SHROOM2: variants seen among roughly 807,000 people sequenced by gnomAD.
SHROOM2 encodes protein Shroom2.
In SHROOM2, 33 loss-of-function variants were observed where a neutral mutation model predicts 75.9. The observed-to-expected ratio is 0.43, with a 90% CI of 0.33 to 0.58. The LOEUF (loss-of-function observed/expected upper bound fraction) is 0.58, where lower values mean the gene tolerates loss of function less well. Among genes scored for constraint, SHROOM2 ranks in the 20% least tolerant of loss-of-function variants. The probability of loss-of-function intolerance (pLI) is 0.04; values close to 1 mark genes in which losing one functional copy is unlikely to be tolerated. For synonymous variants in SHROOM2, 655 were observed against 663.6 expected, an observed-to-expected ratio of 0.99 and a Z score of 0.20; for missense variants, 1,434 against 1,461.2, an observed-to-expected ratio of 0.98 and a Z score of 0.30.
rs771696352 is a variant in SHROOM2, at chrX:9,895,271, G to T, written c.1363G>T (p.Asp455Tyr). ...QEPGAASFQN[D>Y]SPPQVRGLSS... is the part of the protein sequence containing the mutation. ...GCCAGGGGCTGCCAGCTTCCAGAAC[G>T]ACAGCCCTCCTCAGGTGAGGGGGCT... The change falls in exon 4 of 10, where the codon GAC becomes TAC. Residue 455 changes from aspartate (D) to tyrosine (Y), a missense_variant. Physicochemically the swap from Asp to Tyr is radical, Grantham distance 160. Around this residue, in one of 3 missense-constraint regions of SHROOM2, gnomAD observed 1,340 missense variants for 1,338.3 expected, o/e 1.00. Coordinates refer to ENST00000380913, the MANE Select transcript of SHROOM2 (RefSeq NM_001649.4). 8.4e-7 allele frequency: 1 copy of T among 1,185,254 alleles called. No homozygotes were observed.
chrX:9,948,219 C>T lies in SHROOM2; in HGVS notation c.*1282C>T, dbSNP rs1184485646. 3.6e-5 allele frequency: 4 copies of T among 112,537 alleles called. No homozygotes were observed. Among genetic ancestry groups the T allele is most frequent in the African/African-American group, 9.7e-5 (3 of 30,991 alleles). 9.3% of individuals were successfully genotyped at this position (112,537 alleles called of 1,213,427 possible). ...TAGACACTTCACCAAAGAGCATACA[C>T]GCGTGGCAAACAAGCACACGAAAAG... On this transcript the variant is annotated 3_prime_UTR_variant, in exon 10 of 10. Coordinates refer to ENST00000380913, the MANE Select transcript of SHROOM2 (RefSeq NM_001649.4).
intron 1 of SHROOM2, among the ~76,000 whole-genome samples, chrX:9,846,766 A>G (rs1201766028): frequency 8.9e-6 from 1 of 112,348 alleles, no homozygotes; most frequent in Non-Finnish European, 1.9e-5. Flanking sequence ...TTCCCCAGAG[A>G]TGAGCCATTT....
intron 1 of SHROOM2, among the ~76,000 whole-genome samples, chrX:9,787,054 C>G (rs2083618381): frequency 1.8e-5 from 2 of 111,862 alleles, no homozygotes; most frequent in Admixed American, 9.3e-5. Context: ...GAACGTGTCC[C>G]CGAGCCGTCC....
chrX:9,906,432 A>G (rs111944867), intron 5 of SHROOM2, among the ~76,000 whole-genome samples: 2,264 of 112,313 alleles, frequency 0.02, 46 homozygotes, highest in African/African-American at 0.069. Flanking sequence ...TTTATGATAT[A>G]TTTTATCTCA....
At chrX:9,902,999 C>A (rs200171601) in intron 5 of SHROOM2, among the ~76,000 whole-genome samples, 2 of 111,777 alleles carry the variant, frequency 1.8e-5, no homozygotes, top group Non-Finnish European at 3.8e-5. Flanking sequence ...TGAATGCATA[C>A]GAAATAGAGC....
In SHROOM2 at chrX:9,791,968, C is replaced by CGAGAAGAGAA. The variant is rs1555919559; in HGVS notation, c.165+5263_165+5264insGAGAAGAGAA. 3.2e-5 allele frequency among the ~76,000 whole-genome samples: 2 copies of CGAGAAGAGAA among 62,802 alleles called. 1 individual carries two copies. The highest frequency in any genetic ancestry group is 6.4e-5 in the Non-Finnish European group (2 of 31,029). The allele number at this position is 62,802 out of a possible 115,157, so 54.5% of individuals were successfully genotyped here. A position where few individuals can be genotyped will look rare whatever the true frequency, so the allele number is the denominator to read the frequency against. ...GGGCAACAGGAGCAAAACTCCATCT[C>CGAGAAGAGAA]GAGAATAGAATAGAATAGAATAGAA... On this transcript the variant is annotated intron_variant, in intron 1 of 9. Coordinates refer to ENST00000380913, the MANE Select transcript of SHROOM2 (RefSeq NM_001649.4).
At chrX:9,922,556 G>A (rs1031923227) in intron 5 of SHROOM2, among the ~76,000 whole-genome samples, 1 of 109,745 alleles carries the variant, frequency 9.1e-6, no homozygotes, top group East Asian at 2.9e-4. Flanking sequence ...ATTCAGGGTC[G>A]TGCCCCTGGG....
intron 1 of SHROOM2, among the ~76,000 whole-genome samples, chrX:9,822,985 ATTCTTC>A (rs1193729528): frequency 7.9e-4 from 70 of 88,254 alleles, no homozygotes; most frequent in African/African-American, 2.8e-3. Flanking sequence ...AAGAATAATA[ATTCTTC>A]TTCTTCTTCT....
intron 1 of SHROOM2, among the ~76,000 whole-genome samples, chrX:9,792,466 T>TTG (rs1555919993): frequency 5.8e-4 from 63 of 108,198 alleles, no homozygotes; most frequent in African/African-American, 2.0e-3. Flanking sequence ...TGTTTTTTTT[T>TTG]TTGTTGTTGT....
At chrX:9,835,880 C>T (rs1013325023) in intron 1 of SHROOM2, among the ~76,000 whole-genome samples, 10 of 112,089 alleles carry the variant, frequency 8.9e-5, no homozygotes, top group Middle Eastern at 4.6e-3. Flanking sequence ...CCACCACGCC[C>T]GGCTCAGTTT....
rs144133328 is a variant in SHROOM2 at position 9,894,550 on chromosome X, C to T, written c.642C>T (p.Ser214=). 5.0e-6 allele frequency: 6 copies of T among 1,211,981 alleles called. No homozygotes were observed. Among genetic ancestry groups the T allele is most frequent in the Non-Finnish European group, 6.7e-6 (6 of 895,532 alleles). The stretch of plus-strand genomic sequence containing the variant: ...GCGACTCGGCCTACGGCTCCTTCTC[C>T]ACCAGCTCTAGCACTCCTGACCACA... ...SKRDSAYGSF[S]TSSSTPDHTL... The change falls in exon 4 of 10, where the codon TCC becomes TCT. Residue 214 remains serine (S), a synonymous_variant. Coordinates refer to ENST00000380913, the MANE Select transcript of SHROOM2 (RefSeq NM_001649.4).
At chrX:9,830,580 G>GTTTCT (rs1283815214) in intron 1 of SHROOM2, among the ~76,000 whole-genome samples, 1 of 44,523 alleles carries the variant, frequency 2.2e-5, no homozygotes, top group Admixed American at 3.2e-4. Flanking sequence ...TGAACCCCTG[G>GTTTCT]TTTCTTTTTT....
chrX:9,812,033 A>C (rs1771156651), intron 1 of SHROOM2, among the ~76,000 whole-genome samples: 1 of 112,022 alleles, frequency 8.9e-6, no homozygotes. Flanking sequence ...CATCCAGTTC[A>C]TGATAGGTAG....
intron 1 of SHROOM2, among the ~76,000 whole-genome samples, chrX:9,850,831 CAAAAA>C (rs757769302): frequency 5.2e-5 from 4 of 76,254 alleles, no homozygotes; most frequent in South Asian, 7.4e-4. Flanking sequence ...GACTCTGTGT[CAAAAA>C]AAAAAAAAAA....
At position 9,939,211 on chromosome X, in the gene SHROOM2, G is replaced by A. The variant is rs746516160; in HGVS notation, c.4156G>A (p.Val1386Met). 27 of 1,204,832 alleles carry A rather than the reference G, an allele frequency of 2.2e-5. No homozygotes were observed. Among genetic ancestry groups the A allele is most frequent in the South Asian group, 3.6e-5 (2 of 55,812 alleles). Residue 1386 changes from valine (V) to methionine (M), a missense_variant, in exon 8 of 10, where the codon GTG becomes ATG. Around this residue, in one of 3 missense-constraint regions of SHROOM2, gnomAD observed 1,340 missense variants for 1,338.3 expected, o/e 1.00. Transcript: ENST00000380913. ...TTTACCCAGGAAAGAGGAGCCCAGC[G>A]TGCCTGCGGCCGTGTCCCTGGCCAC... is the stretch of plus-strand genomic sequence containing the variant. Reference protein sequence around the residue: ...STEERKEEPSVPAAVSLATNS... With the variant: ...STEERKEEPSMPAAVSLATNS...
intron 1 of SHROOM2, among the ~76,000 whole-genome samples, chrX:9,821,730 T>G (rs779506284): frequency 1.8e-5 from 2 of 111,986 alleles, no homozygotes; most frequent in East Asian, 5.6e-4. Context: ...TGCAAATGCT[T>G]CAAATGCTTG....
At chrX:9,836,681 C>G (rs889025745) in intron 1 of SHROOM2, among the ~76,000 whole-genome samples, 2 of 110,984 alleles carry the variant, frequency 1.8e-5, no homozygotes, top group Non-Finnish European at 3.8e-5. Context: ...CCCATCTCAA[C>G]CTCCCAAACT....
chrX:9,894,668 G>A lies in SHROOM2; in HGVS notation c.760G>A (p.Ala254Thr), dbSNP rs2084313938. Reference sequence around the variant, plus strand: ...CAGGCAGGGTGGCCGGCAGGCCCAGGCCGCAGGCGACCCTCAGGGCTCGGA... The same window carrying A: ...CAGGCAGGGTGGCCGGCAGGCCCAGACCGCAGGCGACCCTCAGGGCTCGGA... ...APRQGGRQAQ[A>T]AGDPQGSEEK... Residue 254 changes from alanine to threonine, a missense_variant, in exon 4 of 10, where the codon GCC becomes ACC. By Grantham distance (58) the Ala-to-Thr change is moderately conservative. Transcript: ENST00000380913. 1.7e-6 allele frequency: 2 copies of A among 1,210,745 alleles called. No individual in the cohort carries two copies. Among genetic ancestry groups the A allele is most frequent in the Non-Finnish European group, 2.2e-6 (2 of 894,844 alleles).
chrX:9,941,863 C>T (rs933582755), intron 8 of SHROOM2, among the ~76,000 whole-genome samples: 10 of 104,656 alleles, frequency 9.6e-5, no homozygotes, highest in East Asian at 6.2e-4. Context: ...CCCAGCTACT[C>T]GGGAGGCTGA....
Sources: gnomAD v4.1 joint callset for allele counts (sites outside exome capture counted in the v4.1 genomes callset) on GRCh38, gnomAD v4.1.1 for gene constraint, gnomAD v4.1.1 regional missense constraint, MANE v1.5 for transcripts, NCBI Gene and HGNC (gene_info 2026-07-23, HGNC 2026-07-21) for gene names.